The following SUFU variants were observed in gnomAD, a reference collection of about 807,000 sequenced individuals.
SUFU encodes the protein SUFU negative regulator of hedgehog signaling, also known as suppressor of fused homolog.
Under a neutral mutation model 58.9 loss-of-function variants are expected in SUFU, and 7 were observed. That is an observed-to-expected ratio of 0.12 (90% CI 0.07 to 0.22). The LOEUF (loss-of-function observed/expected upper bound fraction) is 0.22. Ranked by LOEUF, SUFU falls within the 10% of genes least tolerant of loss-of-function variation. The probability of loss-of-function intolerance (pLI) is 1.00; values close to 1 mark genes in which losing one functional copy is unlikely to be tolerated. For synonymous variants in SUFU, 232 were observed against 254.8 expected (o/e 0.91, Z 0.85); for missense variants, 451 against 641.3 (o/e 0.70, Z 3.20).
chr10:102,621,448 G>T (rs1420851886), intron 10 of SUFU, among the ~76,000 whole-genome samples: 3 of 152,144 alleles, frequency 2.0e-5, no homozygotes, highest in African/African-American at 7.2e-5. Context: ...ACTTTTCACC[G>T]CCCACTAAGA....
intron 10 of SUFU, among the ~76,000 whole-genome samples, chr10:102,622,987 G>A (rs1400357050): frequency 7.1e-5 from 6 of 84,656 alleles, no homozygotes; most frequent in Admixed American, 3.5e-4. Context: ...GCAAAACTCC[G>A]TCTCAAAAAA....
intron 2 of SUFU, among the ~76,000 whole-genome samples, chr10:102,512,678 G>A (rs1589978239): frequency 6.6e-6 from 1 of 152,294 alleles, no homozygotes; most frequent in African/African-American, 2.4e-5. Flanking sequence ...ATCAAGCCTA[G>A]TATTTTCCAG....
chr10:102,594,219 C>T (rs1029252844), intron 6 of SUFU, among the ~76,000 whole-genome samples, 154 bp downstream of exon 6: 3 of 152,166 alleles, frequency 2.0e-5, no homozygotes, highest in Admixed American at 6.5e-5. Context: ...TTCTGCAGAG[C>T]ACGTAGGGAG....
intron 8 of SUFU, among the ~76,000 whole-genome samples, chr10:102,610,692 C>T (rs558488987): frequency 2.6e-5 from 4 of 152,256 alleles, no homozygotes; most frequent in Non-Finnish European, 4.4e-5. Context: ...ATGAGAACAT[C>T]GATGACGAAT....
rs951228620 is a variant in SUFU, at chr10:102,625,951, A to G, written c.1297-1224A>G. Among the ~76,000 whole-genome samples, 12 of 152,072 alleles carry G rather than the reference A, an allele frequency of 7.9e-5. 1 individual carries two copies. Among genetic ancestry groups the G allele is most frequent in the Non-Finnish European group, 4.4e-5 (3 of 68,018 alleles). ...GGGGAAACCTGGTGGGTATTTTTTC[A>G]AGTTCTCAATTCTCCTCCTCACAGG... On this transcript the variant is annotated intron_variant, in intron 10 of 11. Transcript: ENST00000369902. The surrounding 1 kb of genome is among the most constrained non-coding windows in gnomAD (Gnocchi z 4.7).
At chr10:102,602,232 T>C (rs1001197364) in intron 8 of SUFU, among the ~76,000 whole-genome samples, 28 of 152,198 alleles carry the variant, frequency 1.8e-4, no homozygotes, top group African/African-American at 6.8e-4. Flanking sequence ...CTAATAAGTA[T>C]CTTTTCCAAG....
intron 2 of SUFU, among the ~76,000 whole-genome samples, chr10:102,534,524 G>T (rs1442302478): frequency 2.0e-5 from 3 of 152,352 alleles, no homozygotes; most frequent in Non-Finnish European, 2.9e-5. Flanking sequence ...AAATGTTCAC[G>T]TTCTGCTTTC....
chr10:102,509,365 G>T, intron 2 of SUFU, 62 bp downstream of exon 2: 3 of 1,600,994 alleles, frequency 1.9e-6, no homozygotes, highest in South Asian at 1.1e-5. Flanking sequence ...CTGAGCAGGG[G>T]TGACAATGTC....
Position 102,617,927 on chromosome 10 carries a change from C to T in SUFU, c.1296+499C>T, listed in dbSNP as rs769754694. ...TTCTTAGCCTACCCCCATCTGACAG[C>T]CCTCCCGTTCCTCCTGAGTTTGTGT... On this transcript the variant is annotated intron_variant, in intron 10 of 11. Transcript: ENST00000369902. The surrounding 1 kb of genome is among the most constrained non-coding windows in gnomAD (Gnocchi z 4.4). The T allele has an allele frequency of 9.0e-6, 2 of 221,958 alleles. No individual in the cohort carries two copies. The highest frequency in any genetic ancestry group is 1.8e-5 in the Non-Finnish European group (2 of 112,698). The allele number at this position is 221,958 out of a possible 1,614,324, so 13.7% of individuals were successfully genotyped here.
At chr10:102,610,562 C>T (rs765407856) in intron 8 of SUFU, among the ~76,000 whole-genome samples, 2 of 151,932 alleles carry the variant, frequency 1.3e-5, no homozygotes, top group Non-Finnish European at 2.9e-5. Context: ...AGGGCCGTGG[C>T]GATGGGAAGG....
intron 7 of SUFU, 141 bp from the exon 8 acceptor site, chr10:102,599,292 C>A (rs904862333): frequency 1.1e-5 from 8 of 741,122 alleles, no homozygotes; most frequent in Non-Finnish European, 2.0e-5. Context: ...TCAGCGCTTA[C>A]ATCTGGATGC....
intron 2 of SUFU, among the ~76,000 whole-genome samples, chr10:102,536,499 G>A (rs1461912579): frequency 6.6e-6 from 1 of 151,224 alleles, no homozygotes; most frequent in Non-Finnish European, 1.5e-5. Flanking sequence ...GAGTAGCTGG[G>A]ACTACAGGCG....
chr10:102,581,786 G>A (rs981207914), intron 3 of SUFU, among the ~76,000 whole-genome samples: 2 of 152,338 alleles, frequency 1.3e-5, no homozygotes, highest in East Asian at 3.9e-4. Context: ...CCTAGGACCA[G>A]CTCCGGGTGT....
intron 10 of SUFU, among the ~76,000 whole-genome samples, chr10:102,620,079 A>G (rs143722908): frequency 5.2e-4 from 79 of 152,282 alleles, no homozygotes; most frequent in Non-Finnish European, 9.3e-4. Context: ...GTGAAATCCA[A>G]TAGACCCAGG....
chr10:102,518,821 G>A (rs550044933), intron 2 of SUFU, among the ~76,000 whole-genome samples: 9 of 151,570 alleles, frequency 5.9e-5, no homozygotes, highest in South Asian at 2.1e-4. Context: ...GTGAGTCACC[G>A]CACCCGGCCT....
intron 2 of SUFU, among the ~76,000 whole-genome samples, chr10:102,546,196 A>C (rs971432233): frequency 6.6e-6 from 1 of 152,228 alleles, no homozygotes; most frequent in Non-Finnish European, 1.5e-5. Flanking sequence ...CAGACTTGCC[A>C]AACTGCTGGG....
chr10:102,517,067 G>A (rs1051868109), intron 2 of SUFU, among the ~76,000 whole-genome samples: 2 of 149,888 alleles, frequency 1.3e-5, no homozygotes, highest in African/African-American at 2.5e-5. Context: ...AGGTTGCAGT[G>A]AGCCGAGACT....
At chr10:102,556,205 G>A (rs922466079) in intron 3 of SUFU, among the ~76,000 whole-genome samples, 2 of 150,242 alleles carry the variant, frequency 1.3e-5, no homozygotes, top group Non-Finnish European at 3.0e-5. Flanking sequence ...CAGCCATGGA[G>A]CTGTATGAGG....
intron 2 of SUFU, among the ~76,000 whole-genome samples, chr10:102,543,516 A>G (rs1367719188): frequency 2.0e-5 from 3 of 152,162 alleles, no homozygotes; most frequent in African/African-American, 7.2e-5. Context: ...CTTCACTACA[A>G]TCTAATTTTA....
Sources: allele counts gnomAD v4.1 joint callset (sites outside exome capture counted in the v4.1 genomes callset), GRCh38; gene constraint gnomAD v4.1.1; non-coding constraint Gnocchi (gnomAD v3.1); transcripts MANE v1.5; gene names NCBI Gene and HGNC (gene_info 2026-07-23, HGNC 2026-07-21).